The following CSMD1 variants were observed in gnomAD, a reference collection of about 807,000 sequenced individuals.
CSMD1 encodes the protein CUB and sushi domain-containing protein 1.
CSMD1 carries 213 observed loss-of-function variants against 417.5 expected under a neutral mutation model. The ratio of observed to expected loss-of-function variants is 0.51; its 90% confidence interval spans 0.46 to 0.57. The LOEUF (loss-of-function observed/expected upper bound fraction) is 0.57. CSMD1 is among the 20% of genes least tolerant of loss of function. The pLI, the probability that CSMD1 is intolerant of heterozygous loss-of-function variation, is 0.00. For missense variants in CSMD1, 6,923 were observed against 4,529.7 expected (o/e 1.53, Z -15.17); for synonymous variants, 2,862 against 1,736.8 (o/e 1.65, Z -16.11).
intron 11 of CSMD1, among the ~76,000 whole-genome samples, chr8:3,473,111 G>T (rs1563072244): frequency 6.6e-6 from 1 of 152,096 alleles, no homozygotes; most frequent in African/African-American, 2.4e-5. Flanking sequence ...ACATTGAAAA[G>T]ACTTATACTG....
intron 1 of CSMD1, among the ~76,000 whole-genome samples, chr8:4,930,614 C>T (rs954816211): frequency 1.3e-5 from 2 of 152,150 alleles, no homozygotes; most frequent in African/African-American, 4.8e-5. Context: ...TTACATTTAT[C>T]ACCTGTCTCT....
chr8:4,407,476 G>C (rs1056906968), intron 3 of CSMD1, among the ~76,000 whole-genome samples: 1 of 152,088 alleles, frequency 6.6e-6, no homozygotes, highest in African/African-American at 2.4e-5. Context: ...ACGTAATTTT[G>C]TATATAATAA....
At chr8:4,044,649 T>C (rs976332325) in intron 3 of CSMD1, among the ~76,000 whole-genome samples, 2 of 128,868 alleles carry the variant, frequency 1.6e-5, no homozygotes, top group Admixed American at 1.5e-4. Context: ...ACCCTGTACG[T>C]GTACCACCCT....
intron 5 of CSMD1, among the ~76,000 whole-genome samples, chr8:3,909,661 G>GA (rs1226738316): frequency 6.6e-6 from 1 of 152,118 alleles, no homozygotes; most frequent in African/African-American, 2.4e-5. Context: ...AGTCACCTGG[G>GA]AACCCTCCTT....
At chr8:4,536,675 T>G (rs1415587504) in intron 2 of CSMD1, among the ~76,000 whole-genome samples, 2 of 152,258 alleles carry the variant, frequency 1.3e-5, no homozygotes, top group South Asian at 4.1e-4. Context: ...TATTTATTTA[T>G]ACTTTTATTT....
At chr8:4,553,591 T>C (rs1357282697) in intron 2 of CSMD1, among the ~76,000 whole-genome samples, 1 of 152,176 alleles carries the variant, frequency 6.6e-6, no homozygotes, top group African/African-American at 2.4e-5. Flanking sequence ...ATTAGATTAT[T>C]TTTGATCTAG....
intron 1 of CSMD1, among the ~76,000 whole-genome samples, chr8:4,811,432 C>A (rs1898628): frequency 0.97 from 147,171 of 152,218 alleles, 71,360 homozygotes; most frequent in East Asian, 1. Context: ...AAAATTGTTG[C>A]TATTTGATTA....
intron 1 of CSMD1, among the ~76,000 whole-genome samples, chr8:4,655,241 G>T (rs903169458): frequency 6.6e-6 from 1 of 151,966 alleles, no homozygotes; most frequent in Non-Finnish European, 1.5e-5. Flanking sequence ...TACCTTGGTT[G>T]CTAAAATTGA....
intron 1 of CSMD1, among the ~76,000 whole-genome samples, chr8:4,914,277 T>G (rs371897551): frequency 6.6e-6 from 1 of 152,078 alleles, no homozygotes; most frequent in Non-Finnish European, 1.5e-5. Flanking sequence ...ACATTTCACT[T>G]TAAAAATTGG....
intron 26 of CSMD1, among the ~76,000 whole-genome samples, chr8:3,275,526 T>C (rs1802216113): frequency 6.6e-6 from 1 of 152,362 alleles, no homozygotes; most frequent in East Asian, 1.9e-4. Flanking sequence ...CAGAGTGTTT[T>C]CCTACTTGGT....
At chr8:4,453,212 C>G (rs994042043) in intron 2 of CSMD1, among the ~76,000 whole-genome samples, 3 of 100,458 alleles carry the variant, frequency 3.0e-5, no homozygotes, top group South Asian at 7.5e-4. Flanking sequence ...CAGACACACA[C>G]AGAGACACAC....
intron 10 of CSMD1, among the ~76,000 whole-genome samples, chr8:3,494,880 G>C (rs1454340715): frequency 2.0e-5 from 3 of 152,292 alleles, no homozygotes; most frequent in East Asian, 1.9e-4. Context: ...TGTTAAGCTT[G>C]AAAGAAAAGA....
At chr8:4,725,440 A>T (rs941683551) in intron 1 of CSMD1, among the ~76,000 whole-genome samples, 1 of 152,126 alleles carries the variant, frequency 6.6e-6, no homozygotes, top group Non-Finnish European at 1.5e-5. Flanking sequence ...GTTGTTCTCC[A>T]TTTCTATTAT....
chr8:4,743,514 T>G (rs1258743088), intron 1 of CSMD1, among the ~76,000 whole-genome samples: 3 of 152,152 alleles, frequency 2.0e-5, no homozygotes, highest in Non-Finnish European at 4.4e-5. Flanking sequence ...CCTCCTGCTT[T>G]GAGTTCATGA....
chr8:3,409,333 C>T, intron 13 of CSMD1, 90 bp downstream of exon 13: 2 of 1,263,522 alleles, frequency 1.6e-6, no homozygotes, highest in Non-Finnish European at 2.1e-6. Flanking sequence ...GCTGCCCTCC[C>T]TAAATGGGCG....
At chr8:3,171,517 G>C (rs1404412697) in intron 37 of CSMD1, among the ~76,000 whole-genome samples, 3 of 152,138 alleles carry the variant, frequency 2.0e-5, no homozygotes, top group Non-Finnish European at 2.9e-5. Context: ...CTAAGTCACA[G>C]AGCCACTAGT....
chr8:3,312,866 T>A (rs1805457763), intron 23 of CSMD1, among the ~76,000 whole-genome samples: 1 of 152,204 alleles, frequency 6.6e-6, no homozygotes. Context: ...TTTATCCACA[T>A]TCGTTAGGAT....
At chr8:4,199,191 A>G (rs1236564192) in intron 3 of CSMD1, among the ~76,000 whole-genome samples, 1 of 150,366 alleles carries the variant, frequency 6.7e-6, no homozygotes, top group Non-Finnish European at 1.5e-5. Context: ...ACTTTCAGAA[A>G]CATTAAAAAA....
At chr8:3,550,491 C>T (rs1358348459) in intron 10 of CSMD1, among the ~76,000 whole-genome samples, 4 of 152,134 alleles carry the variant, frequency 2.6e-5, no homozygotes, top group Non-Finnish European at 5.9e-5. Context: ...CGATGGGGTG[C>T]ACAGTAATGT....
Sources: gnomAD v4.1 joint callset for allele counts (sites outside exome capture counted in the v4.1 genomes callset) on GRCh38, gnomAD v4.1.1 for gene constraint, MANE v1.5 for transcripts, NCBI Gene and HGNC (gene_info 2026-07-23, HGNC 2026-07-21) for gene names.